Variants in PTCD3 observed in about 807,000 individuals in gnomAD.
The protein encoded by PTCD3 is small ribosomal subunit protein mS39.
A neutral mutation model predicts 101.9 loss-of-function variants in PTCD3; 89 were observed. The ratio of observed to expected loss-of-function variants is 0.87; its 90% CI spans 0.74 to 1.04. The LOEUF (loss-of-function observed/expected upper bound fraction) is 1.04, where lower values mean the gene tolerates loss of function less well. PTCD3 is among the 50% of genes least tolerant of loss of function. PTCD3 has a pLI of 0.00. For missense variants in PTCD3, 870 were observed against 828.2 expected, an observed-to-expected ratio of 1.05 and a Z score of -0.62; for synonymous variants, 296 against 278.5, an observed-to-expected ratio of 1.06 and a Z score of -0.63.
In PTCD3 at chr2:86,125,469, G is replaced by A. The variant is rs1389800090; in HGVS notation, c.819G>A (p.Glu273=). Residue 273 remains glutamate, a synonymous_variant, in exon 11 of 24, where the codon GAG becomes GAA. Coordinates refer to ENST00000254630, the MANE Select transcript of PTCD3 (RefSeq NM_017952.6). ...IRGMVKHRAY[E]QALNLYTELL... is the part of the protein sequence containing the mutation. ...TCCTTTTCCAGCACCGAGCTTATGA[G>A]CAGGCATTAAACTTGTACACTGAGT... 3.7e-6 allele frequency: 6 copies of A among 1,613,136 alleles called. No individual in the cohort carries two copies. The highest frequency in any genetic ancestry group is 1.3e-5 in the African/African-American group (1 of 74,880).
chr2:86,133,379 C>T lies in PTCD3; in HGVS notation c.1486C>T (p.Leu496Phe). ...TCCCCACTCCCAAACAATGATACAT[C>T]TTCTCCAAGCATTGGATGTGGCCAA... ...YFPHSQTMIH[L>F]LQALDVANRL... The change falls in exon 19 of 24, where the codon CTT becomes TTT. Residue 496 changes from leucine to phenylalanine, a missense_variant. Physicochemically the swap from Leu to Phe is conservative, Grantham distance 22 (BLOSUM62 0). Transcript: ENST00000254630. 1 of 1,614,144 alleles carries T rather than the reference C, an allele frequency of 6.2e-7. No individual in the cohort carries two copies. The highest frequency in any genetic ancestry group is 8.5e-7 in the Non-Finnish European group (1 of 1,179,996).
At position 86,141,363 on chromosome 2, in the gene PTCD3, C is replaced by T. The variant is rs1343840954; in HGVS notation, c.*3804C>T. On this transcript the variant is annotated 3_prime_UTR_variant, in exon 24 of 24. Transcript: ENST00000254630. ...GTAGTGACCACTGGACCTGATGAAGCGAATCTGCCTGAAATTTAATACGCC... is the reference window on the plus strand; with the variant it reads ...GTAGTGACCACTGGACCTGATGAAGTGAATCTGCCTGAAATTTAATACGCC... The T allele has an allele frequency of 1.3e-5, 2 of 152,250 alleles. No individual in the cohort carries two copies. The highest frequency in any genetic ancestry group is 1.9e-4 in the East Asian group (1 of 5,200). The allele number at this position is 152,250 out of a possible 1,614,324, so 9.4% of individuals were successfully genotyped here.
rs1386036648 is a variant in PTCD3 at position 86,138,918 on chromosome 2, G to A, written c.*1359G>A. 1 of 152,126 alleles carries A rather than the reference G, an allele frequency of 6.6e-6. No individual in the cohort carries two copies. Among genetic ancestry groups the A allele is most frequent in the East Asian group, 1.9e-4 (1 of 5,196 alleles). The allele number at this position is 152,126 out of a possible 1,614,324, so 9.4% of individuals were successfully genotyped here. On this transcript the variant is annotated 3_prime_UTR_variant, in exon 24 of 24. Transcript: ENST00000254630. ...ATTCAATACAGTCCTTAGATTCACG[G>A]TATGCCTCTTCCTATCCAGGCACCT...
At chr2:86,125,705 G>T in intron 11 of PTCD3, 90 bp from the exon 12 acceptor site, 1 of 1,077,376 alleles carries the variant, frequency 9.3e-7, no homozygotes, top group Non-Finnish European at 1.4e-6. Context: ...GATTAGTCAA[G>T]GGACACATAG....
rs528135129 is a variant in PTCD3 at position 86,127,970 on chromosome 2, A to G, written c.1126A>G (p.Ile376Val). The G allele has an allele frequency of 1.1e-5, 18 of 1,610,574 alleles. No individual in the cohort carries two copies. The highest frequency in any genetic ancestry group is 9.3e-5 in the African/African-American group (7 of 74,970). ...CTCGCTTGCAACATATCACCATATT[A>G]TTCGCCTGTTTGATCAACCTGGTAT... ...EPSLATYHHI[I>V]RLFDQPGDPL... The change falls in exon 14 of 24, where the codon ATT (isoleucine) becomes GTT (valine). Residue 376 changes from isoleucine to valine, a missense_variant. Transcript: ENST00000254630.
intron 19 of PTCD3, 27 bp downstream of exon 19, chr2:86,133,463 G>C (rs2104461645): frequency 6.4e-7 from 1 of 1,553,890 alleles, no homozygotes. Context: ...ATGTGTCCAG[G>C]TGCATCTCAC....
intron 18 of PTCD3, 30 bp downstream of exon 18, chr2:86,133,286 A>G (rs1340412490): frequency 6.2e-7 from 1 of 1,613,714 alleles, no homozygotes; most frequent in African/African-American, 1.3e-5. Context: ...GTTATTTATC[A>G]TTCTAGATGA....
At chr2:86,115,364 C>T (rs934018861) in intron 4 of PTCD3, among the ~76,000 whole-genome samples, 1 of 152,226 alleles carries the variant, frequency 6.6e-6, no homozygotes, top group Admixed American at 6.5e-5. Context: ...GCACACTGCT[C>T]TCAGTTCAGC....
At chr2:86,114,178 C>G (rs906538492) in intron 4 of PTCD3, among the ~76,000 whole-genome samples, 1 of 152,160 alleles carries the variant, frequency 6.6e-6, no homozygotes, top group African/African-American at 2.4e-5. Flanking sequence ...AAGCACTGTG[C>G]TGGATATAGA....
At chr2:86,109,421 A>C (rs1424010200) in intron 3 of PTCD3, among the ~76,000 whole-genome samples, 1 of 144,112 alleles carries the variant, frequency 6.9e-6, no homozygotes, top group South Asian at 2.3e-4. Flanking sequence ...AAAAAAAAAG[A>C]CTTGGGTTCA....
At chr2:86,117,197 T>C in intron 6 of PTCD3, 38 bp downstream of exon 6, 1 of 760,474 alleles carries the variant, frequency 1.3e-6, no homozygotes. Context: ...ATAATACTAT[T>C]TTAAATGTAA....
chr2:86,112,322 C>A (rs1317922671), intron 4 of PTCD3, among the ~76,000 whole-genome samples: 1 of 150,620 alleles, frequency 6.6e-6, no homozygotes, highest in Non-Finnish European at 1.5e-5. Flanking sequence ...TCCCAAAGTG[C>A]TGGGATTACA....
Position 86,137,621 on chromosome 2 carries a change from T to G in PTCD3, c.*62T>G. The G allele has an allele frequency of 6.2e-7, 1 of 1,603,950 alleles. No individual in the cohort carries two copies. The highest frequency in any genetic ancestry group is 8.5e-7 in the Non-Finnish European group (1 of 1,175,348). On this transcript the variant is annotated 3_prime_UTR_variant, in exon 24 of 24. Transcript: ENST00000254630. ...AGCTGCTGGAATCACACCTGAGAAC[T>G]GAGATATACCAATATTTAACATTGT... is the stretch of plus-strand genomic sequence containing the variant.
chr2:86,130,797 G>C (rs1367993414), intron 15 of PTCD3, 60 bp downstream of exon 15: 1 of 1,594,060 alleles, frequency 6.3e-7, no homozygotes, highest in Non-Finnish European at 8.5e-7. Context: ...GTTTACCTGA[G>C]TACCAGTTAG....
At chr2:86,109,559 C>T (rs1418377719) in intron 3 of PTCD3, among the ~76,000 whole-genome samples, 1 of 152,092 alleles carries the variant, frequency 6.6e-6, no homozygotes, top group Admixed American at 6.5e-5. Context: ...TAAAACTTAC[C>T]GTATTGGCAG....
At chr2:86,124,406 C>G (rs1674345654) in intron 9 of PTCD3, among the ~76,000 whole-genome samples, 1 of 152,198 alleles carries the variant, frequency 6.6e-6, no homozygotes, top group Admixed American at 6.5e-5. Flanking sequence ...AGGTGGATCA[C>G]TTGAGGTCAG....
At chr2:86,122,187 A>G (rs1222195123) in intron 8 of PTCD3, among the ~76,000 whole-genome samples, 1 of 152,236 alleles carries the variant, frequency 6.6e-6, no homozygotes, top group Non-Finnish European at 1.5e-5. Flanking sequence ...AAATGATGAT[A>G]AAAGTTGTGT....
rs1334176006 is a variant in PTCD3 at position 86,108,523 on chromosome 2, A to G, written c.181A>G (p.Lys61Glu). 3 of 1,596,044 alleles carry G rather than the reference A, an allele frequency of 1.9e-6. No individual in the cohort carries two copies. The East Asian group carries it at 6.7e-5, about 36-fold the overall frequency. ...VTGIEEVVIP[K>E]KKTWDKVAVL... ...AGGGATTGAAGAAGTAGTAATTCCA[A>G]AAAAGAAAACTTGGTAAGTATTCTA... The change falls in exon 3 of 24, where the codon AAA becomes GAA. Residue 61 changes from lysine (K) to glutamate (E), a missense_variant. Physicochemically the swap from Lys to Glu is moderately conservative, Grantham distance 56 (BLOSUM62 1). Coordinates refer to ENST00000254630, the MANE Select transcript of PTCD3 (RefSeq NM_017952.6).
At chr2:86,111,543 G>T (rs536100420) in intron 4 of PTCD3, among the ~76,000 whole-genome samples, 1 of 151,582 alleles carries the variant, frequency 6.6e-6, no homozygotes, top group Non-Finnish European at 1.5e-5. Context: ...AGGAGAGATC[G>T]CGCCACTGCA....
Sources: allele counts gnomAD v4.1 joint callset (sites outside exome capture counted in the v4.1 genomes callset), GRCh38; gene constraint gnomAD v4.1.1; transcripts MANE v1.5; gene names NCBI Gene and HGNC (gene_info 2026-07-23, HGNC 2026-07-21).